The following FAM114A2 variants were observed in gnomAD, a reference collection of about 807,000 sequenced individuals.
FAM114A2 encodes the protein protein FAM114A2.
In FAM114A2, 53 loss-of-function variants were observed where a neutral mutation model predicts 58.4. The observed-to-expected ratio is 0.91, with a 90% CI of 0.73 to 1.14. FAM114A2 has a LOEUF of 1.14. FAM114A2 is among the 50% of genes most tolerant of loss of function. The pLI, the probability that FAM114A2 is intolerant of heterozygous loss-of-function variation, is 0.00. For missense variants in FAM114A2, 601 were observed against 581.1 expected (o/e 1.03, Z -0.35); for synonymous variants, 228 against 211.4 (o/e 1.08, Z -0.68).
intron 8 of FAM114A2, among the ~76,000 whole-genome samples, chr5:154,013,301 A>G (rs1770820350): frequency 6.6e-6 from 1 of 152,250 alleles, no homozygotes; most frequent in Admixed American, 6.5e-5. Flanking sequence ...TACATATGGT[A>G]GAGGGGCAAG....
At chr5:154,013,092 A>T (rs189576106) in intron 8 of FAM114A2, among the ~76,000 whole-genome samples, 151 of 152,208 alleles carry the variant, frequency 9.9e-4, no homozygotes, top group African/African-American at 3.2e-3. Flanking sequence ...CCCACATATT[A>T]TGTCTGAATG....
At chr5:154,031,371 G>A (rs777141493) in intron 4 of FAM114A2, among the ~76,000 whole-genome samples, 8 of 133,350 alleles carry the variant, frequency 6.0e-5, no homozygotes, top group South Asian at 2.5e-4. Context: ...TTAACTGCCC[G>A]CCGACAAAAG....
At chr5:154,015,078 C>A (rs1172891648) in intron 8 of FAM114A2, among the ~76,000 whole-genome samples, 1 of 152,140 alleles carries the variant, frequency 6.6e-6, no homozygotes, top group African/African-American at 2.4e-5. Flanking sequence ...CCATAATCCT[C>A]CTAGGAACAT....
intron 3 of FAM114A2, 67 bp from the exon 4 acceptor site, chr5:154,033,950 T>A: frequency 8.1e-6 from 8 of 986,532 alleles, no homozygotes; most frequent in Non-Finnish European, 1.1e-5. Context: ...AAATCAAACT[T>A]GAAGATTTTT....
intron 4 of FAM114A2, among the ~76,000 whole-genome samples, chr5:154,030,281 A>C (rs1048205520): frequency 7.2e-5 from 11 of 152,334 alleles, no homozygotes; most frequent in African/African-American, 2.6e-4. Context: ...GTATGTTTCA[A>C]AACAAAAATC....
intron 8 of FAM114A2, among the ~76,000 whole-genome samples, chr5:154,023,020 G>A (rs1771530109): frequency 6.6e-6 from 1 of 152,132 alleles, no homozygotes; most frequent in African/African-American, 2.4e-5. Context: ...ATCATTCTGA[G>A]CAAACTATCA....
chr5:153,993,807 A>T (rs922482609), intron 13 of FAM114A2, among the ~76,000 whole-genome samples: 1 of 152,194 alleles, frequency 6.6e-6, no homozygotes, highest in Non-Finnish European at 1.5e-5. Flanking sequence ...TCCACTAAAA[A>T]TAATAGGGAG....
At chr5:153,999,629 T>G (rs1581765060) in intron 11 of FAM114A2, among the ~76,000 whole-genome samples, 1 of 140,546 alleles carries the variant, frequency 7.1e-6, no homozygotes, top group African/African-American at 2.7e-5. Flanking sequence ...CAAGACTCCA[T>G]CTCAAAAAAA....
At chr5:154,023,103 A>G (rs1771537805) in intron 8 of FAM114A2, among the ~76,000 whole-genome samples, 1 of 151,772 alleles carries the variant, frequency 6.6e-6, no homozygotes, top group Admixed American at 6.6e-5. Context: ...ACTTGGACAC[A>G]GGGCGGGGAA....
chr5:154,009,141 C>G (rs1277014583), intron 9 of FAM114A2, among the ~76,000 whole-genome samples: 3 of 152,056 alleles, frequency 2.0e-5, no homozygotes, highest in Admixed American at 2.0e-4. Context: ...GTCTATAAAA[C>G]CAAAAGGGAA....
At chr5:154,027,406 A>G in intron 6 of FAM114A2, 72 bp from the exon 7 acceptor site, 1 of 1,352,522 alleles carries the variant, frequency 7.4e-7, no homozygotes, top group Non-Finnish European at 1.0e-6. Flanking sequence ...GAATTGAAGG[A>G]AGCAAAGCTT....
intron 12 of FAM114A2, among the ~76,000 whole-genome samples, chr5:153,997,244 C>G (rs1055454849): frequency 6.6e-6 from 1 of 152,094 alleles, no homozygotes; most frequent in South Asian, 2.1e-4. Context: ...CCCAGCAATT[C>G]CACTCCTAGC....
chr5:153,998,358 C>A (rs1213122737), intron 11 of FAM114A2, among the ~76,000 whole-genome samples: 1 of 152,200 alleles, frequency 6.6e-6, no homozygotes, highest in Non-Finnish European at 1.5e-5. Context: ...TATGTCCCCT[C>A]TAAAATTCAT....
Position 154,029,421 on chromosome 5 carries a change from G to C in FAM114A2, c.495+68C>G, listed in dbSNP as rs1475012093. On this transcript the variant is annotated intron_variant, in intron 5 of 13. Coordinates refer to ENST00000351797, the MANE Select transcript of FAM114A2 (RefSeq NM_018691.4). ...TCCACATGGCTGTTCAAAGAAAAGAGAGAGAAAGATATGCAAACCCATTAT... is the reference window on the plus strand; with the variant it reads ...TCCACATGGCTGTTCAAAGAAAAGACAGAGAAAGATATGCAAACCCATTAT... 4.4e-6 allele frequency: 4 copies of C among 904,796 alleles called. No individual in the cohort carries two copies. In the East Asian group the frequency reaches 7.5e-5, roughly 17 times the overall value. The allele number at this position is 904,796 out of a possible 1,614,324, so 56.0% of individuals were successfully genotyped here. A position where few individuals can be genotyped will look rare whatever the true frequency, so the allele number is the denominator to read the frequency against.
chr5:154,030,773 A>C (rs1236444829), intron 4 of FAM114A2, among the ~76,000 whole-genome samples: 1 of 152,236 alleles, frequency 6.6e-6, no homozygotes, highest in African/African-American at 2.4e-5. Flanking sequence ...TAAATACTGC[A>C]CTGCTGAGGC....
chr5:154,007,583 G>A (rs547650851), intron 9 of FAM114A2, among the ~76,000 whole-genome samples: 3 of 152,118 alleles, frequency 2.0e-5, no homozygotes, highest in Non-Finnish European at 4.4e-5. Flanking sequence ...AGAGAATGGC[G>A]AGAACTGCCA....
chr5:154,028,492 G>T (rs974576437), intron 5 of FAM114A2, among the ~76,000 whole-genome samples: 1 of 152,116 alleles, frequency 6.6e-6, no homozygotes, highest in African/African-American at 2.4e-5. Context: ...TACTCCAGCT[G>T]CATGACCCAG....
Position 153,994,936 on chromosome 5 carries a change from T to A in FAM114A2, c.1366A>T (p.Thr456Ser). Residue 456 changes from threonine (T) to serine (S), a missense_variant, in exon 13 of 14, where the codon ACT (threonine) becomes TCT (serine). By Grantham distance (58) the Thr-to-Ser change is moderately conservative. Coordinates refer to ENST00000351797, the MANE Select transcript of FAM114A2 (RefSeq NM_018691.4). ...TTACTAACCTCTAGAAATACTGCAG[T>A]GATTAATGGGTTAAGGACATCTGCC... ...EMADVLNPLITAVFLEASNSA... is the reference protein window; with the variant it reads ...EMADVLNPLISAVFLEASNSA... 1 of 1,604,672 alleles carries A rather than the reference T, an allele frequency of 6.2e-7. No homozygotes were observed. Among genetic ancestry groups the A allele is most frequent in the Non-Finnish European group, 8.5e-7 (1 of 1,171,720 alleles).
At chr5:154,031,253 A>T (rs963781401) in intron 4 of FAM114A2, among the ~76,000 whole-genome samples, 1 of 134,694 alleles carries the variant, frequency 7.4e-6, no homozygotes, top group Non-Finnish European at 1.5e-5. Flanking sequence ...CAGAGGCTGC[A>T]GTGAGCTGAG....
Sources: gnomAD v4.1 joint callset for allele counts (sites outside exome capture counted in the v4.1 genomes callset) on GRCh38, gnomAD v4.1.1 for gene constraint, MANE v1.5 for transcripts, NCBI Gene and HGNC (gene_info 2026-07-23, HGNC 2026-07-21) for gene names.